Variants in ME1 observed in about 807,000 individuals in gnomAD.
The protein encoded by ME1 is malic enzyme 1.
In ME1, 74 loss-of-function variants were observed where a neutral mutation model predicts 66.4. The ratio of observed to expected loss-of-function variants is 1.11; its 90% CI spans 0.92 to 1.35. The LOEUF (loss-of-function observed/expected upper bound fraction) is 1.35. Among genes scored for constraint, ME1 ranks in the 40% most tolerant of loss-of-function variants. ME1 has a pLI of 0.00. For missense variants in ME1, 750 were observed against 694.1 expected (o/e 1.08, Z -0.90); for synonymous variants, 251 against 235.6 (o/e 1.07, Z -0.60).
chr6:83,369,055 C>A (rs577406919), intron 3 of ME1, among the ~76,000 whole-genome samples: 3 of 152,182 alleles, frequency 2.0e-5, no homozygotes, highest in Non-Finnish European at 4.4e-5. Flanking sequence ...GATACATGTG[C>A]AGAATGTGAC....
intron 3 of ME1, among the ~76,000 whole-genome samples, chr6:83,359,775 A>G (rs995717365): frequency 1.3e-5 from 2 of 152,196 alleles, no homozygotes; most frequent in Admixed American, 1.3e-4. Flanking sequence ...TTGTGAGGGT[A>G]GCACCTACAT....
intron 6 of ME1, among the ~76,000 whole-genome samples, chr6:83,272,384 A>G (rs1397737277): frequency 6.6e-6 from 1 of 152,176 alleles, no homozygotes; most frequent in Non-Finnish European, 1.5e-5. Flanking sequence ...TTTTAAAGAT[A>G]CCAATTTCAA....
At chr6:83,303,497 G>A (rs2128537115) in intron 6 of ME1, among the ~76,000 whole-genome samples, 1 of 152,236 alleles carries the variant, frequency 6.6e-6, no homozygotes, top group Admixed American at 6.5e-5. Context: ...GCAAGGGAAA[G>A]CTAAAGCTTA....
chr6:83,329,261 G>A (rs1768360884), intron 5 of ME1, among the ~76,000 whole-genome samples: 1 of 152,136 alleles, frequency 6.6e-6, no homozygotes, highest in Non-Finnish European at 1.5e-5. Context: ...TTAGCACCTT[G>A]ATGTATATTC....
intron 1 of ME1, among the ~76,000 whole-genome samples, chr6:83,412,800 G>A (rs1403281544): frequency 2.6e-5 from 4 of 152,130 alleles, no homozygotes; most frequent in Admixed American, 2.6e-4. Context: ...AATAGAAAAA[G>A]ATCAGTAGTT....
chr6:83,265,458 G>A (rs969222495), intron 6 of ME1, among the ~76,000 whole-genome samples: 1 of 151,892 alleles, frequency 6.6e-6, no homozygotes, highest in African/African-American at 2.4e-5. Flanking sequence ...CACCATGCCT[G>A]GCTAATTTTT....
At chr6:83,224,924 G>A (rs1790161841) in intron 11 of ME1, among the ~76,000 whole-genome samples, 2 of 151,276 alleles carry the variant, frequency 1.3e-5, no homozygotes, top group South Asian at 4.2e-4. Flanking sequence ...GAACTTGGCT[G>A]GGCGCGGTGG....
At chr6:83,294,325 T>G (rs1235362516) in intron 6 of ME1, among the ~76,000 whole-genome samples, 1 of 152,212 alleles carries the variant, frequency 6.6e-6, no homozygotes, top group Non-Finnish European at 1.5e-5. Context: ...TTACAGAGTC[T>G]TCAGATACAC....
At chr6:83,324,740 A>AAAC (rs1768253656) in intron 5 of ME1, among the ~76,000 whole-genome samples, 1 of 144,286 alleles carries the variant, frequency 6.9e-6, no homozygotes, top group Non-Finnish European at 1.5e-5. Context: ...AAAAAAAAAA[A>AAAC]GCCCAGGACG....
At chr6:83,427,770 T>A (rs879367727) in intron 1 of ME1, among the ~76,000 whole-genome samples, 1 of 152,164 alleles carries the variant, frequency 6.6e-6, no homozygotes, top group African/African-American at 2.4e-5. Context: ...CCAACACTTT[T>A]GGGAGGCCGA....
chr6:83,214,024 G>GAT (rs750593569), intron 13 of ME1, among the ~76,000 whole-genome samples: 3 of 152,092 alleles, frequency 2.0e-5, no homozygotes, highest in Non-Finnish European at 4.4e-5. Flanking sequence ...GATTTATTGA[G>GAT]ATATAATTCA....
chr6:83,253,740 T>C lies in ME1; in HGVS notation c.705-2A>G. 4.0e-6 allele frequency: 6 copies of C among 1,513,146 alleles called. No homozygotes were observed. Among genetic ancestry groups the C allele is most frequent in the Non-Finnish European group, 5.5e-6 (6 of 1,091,298 alleles). The allele number at this position is 1,513,146 out of a possible 1,614,324, so 93.7% of individuals were successfully genotyped here. A position where few individuals can be genotyped will look rare whatever the true frequency, so the allele number is the denominator to read the frequency against. ...TGAATAAGGCAATTCATGCCATACC[T>C]ATGGGACAAAAACATTCATATTAGA... On this transcript the variant is annotated splice_acceptor_variant, in intron 6 of 13. Coordinates refer to ENST00000369705, the MANE Select transcript of ME1 (RefSeq NM_002395.6). LOFTEE classifies it high-confidence loss of function.
At chr6:83,224,642 C>T (rs1446679737) in intron 11 of ME1, among the ~76,000 whole-genome samples, 3 of 148,510 alleles carry the variant, frequency 2.0e-5, no homozygotes, top group African/African-American at 7.5e-5. Flanking sequence ...CTAGATCACA[C>T]CACTGCACTC....
intron 6 of ME1, among the ~76,000 whole-genome samples, chr6:83,268,981 C>T (rs1410354517): frequency 2.0e-5 from 3 of 151,934 alleles, no homozygotes; most frequent in African/African-American, 7.3e-5. Context: ...ATTGTTTGCT[C>T]AGTGGGATTT....
At chr6:83,310,072 T>C (rs926208314) in intron 6 of ME1, among the ~76,000 whole-genome samples, 1 of 152,142 alleles carries the variant, frequency 6.6e-6, no homozygotes, top group Non-Finnish European at 1.5e-5. Context: ...CTAATTAATA[T>C]CCAAGCTAAT....
rs60624497 is a variant in ME1 at position 83,357,935 on chromosome 6, C to CTATATA, written c.363-5802_363-5797dup. Among the ~76,000 whole-genome samples, 57 of 30,034 alleles carry CTATATA rather than the reference C, an allele frequency of 1.9e-3. 1 individual carries two copies. The highest frequency in any genetic ancestry group is 2.9e-3 in the Admixed American group (4 of 1,382). 19.7% of individuals were successfully genotyped at this position (30,034 alleles called of 152,430 possible). On this transcript the variant is annotated intron_variant, in intron 3 of 13. Transcript: ENST00000369705. ...TCTCTCTCTCTCTCTCTCTCTCTCT[C>CTATATA]TATATATATATATATATATATATAT...
chr6:83,303,244 G>C (rs939209420), intron 6 of ME1, among the ~76,000 whole-genome samples: 4 of 152,114 alleles, frequency 2.6e-5, no homozygotes, highest in African/African-American at 9.7e-5. Context: ...GGCATAAATG[G>C]CTTATGTAAA....
Position 83,237,272 on chromosome 6 carries a change from A to AAAGAAAGAAAGC in ME1, c.1026+444_1026+445insGCTTTCTTTCTT, listed in dbSNP as rs1491450413. 4.0e-4 allele frequency among the ~76,000 whole-genome samples: 36 copies of AAAGAAAGAAAGC among 90,238 alleles called. 4 individuals carry two copies. In the East Asian group the frequency reaches 8.4e-3, roughly 21 times the overall value. The allele number at this position is 90,238 out of a possible 152,430, so 59.2% of individuals were successfully genotyped here. A position where few individuals can be genotyped will look rare whatever the true frequency, so the allele number is the denominator to read the frequency against. ...GAAAGAAAGAAAGAAAGAAAGAAAG[A>AAAGAAAGAAAGC]AAGAAAGGAAGGAAGGAAGGAAAGA... On this transcript the variant is annotated intron_variant, in intron 9 of 13. Transcript: ENST00000369705.
chr6:83,395,978 G>A (rs1208067055), intron 3 of ME1, among the ~76,000 whole-genome samples: 2 of 152,126 alleles, frequency 1.3e-5, no homozygotes, highest in Non-Finnish European at 2.9e-5. Context: ...AAAGTTCCAT[G>A]ATACAAAATC....
Sources: gnomAD v4.1 joint callset for allele counts (sites outside exome capture counted in the v4.1 genomes callset) on GRCh38, gnomAD v4.1.1 for gene constraint, MANE v1.5 for transcripts, NCBI Gene and HGNC (gene_info 2026-07-23, HGNC 2026-07-21) for gene names.